DCC: variants seen among roughly 807,000 people sequenced by gnomAD.
The protein encoded by DCC is netrin receptor DCC.
In DCC, 58 loss-of-function variants were observed where a neutral mutation model predicts 172.5. That is an observed-to-expected ratio of 0.34 (90% confidence interval 0.27 to 0.42). DCC has a LOEUF of 0.42. DCC is among the 10% of genes least tolerant of loss of function. The pLI, the probability that DCC is intolerant of heterozygous loss-of-function variation, is 1.00. For missense variants in DCC, 1,740 were observed against 1,791.0 expected (o/e 0.97, Z 0.51); for synonymous variants, 709 against 644.5 (o/e 1.10, Z -1.52).
intron 1 of DCC, among the ~76,000 whole-genome samples, chr18:52,437,560 A>G (rs952363571): frequency 1.3e-5 from 2 of 152,216 alleles, no homozygotes; most frequent in African/African-American, 4.8e-5. Context: ...ATGGTTAAAG[A>G]TAGGGGCGCA....
chr18:53,221,503 T>C (rs2055932126), intron 12 of DCC, among the ~76,000 whole-genome samples: 1 of 152,150 alleles, frequency 6.6e-6, no homozygotes, highest in Non-Finnish European at 1.5e-5. Flanking sequence ...GTGAGCTCCA[T>C]GAAGGCAAAT....
At chr18:53,095,616 T>C (rs1033822762) in intron 7 of DCC, among the ~76,000 whole-genome samples, 1 of 152,128 alleles carries the variant, frequency 6.6e-6, no homozygotes, top group South Asian at 2.1e-4. Context: ...CTGCTCCTCC[T>C]CCTATCCTGA....
At chr18:52,482,846 C>T (rs529535049) in intron 1 of DCC, among the ~76,000 whole-genome samples, 18 of 152,240 alleles carry the variant, frequency 1.2e-4, no homozygotes, top group Non-Finnish European at 1.9e-4. Context: ...TTACCCCTTT[C>T]GTATGTTGGA....
chr18:53,420,097 C>T (rs938412855), intron 21 of DCC, among the ~76,000 whole-genome samples: 20 of 152,170 alleles, frequency 1.3e-4, no homozygotes, highest in African/African-American at 4.3e-4. Flanking sequence ...CCTTGTGATC[C>T]GCCTGTCTTG....
At chr18:53,131,393 A>C (rs1467631577) in intron 7 of DCC, among the ~76,000 whole-genome samples, 1 of 152,160 alleles carries the variant, frequency 6.6e-6, no homozygotes, top group Non-Finnish European at 1.5e-5. Context: ...TTTTTAGATC[A>C]AATCTTGGAA....
At chr18:52,476,321 A>C (rs1345653905) in intron 1 of DCC, among the ~76,000 whole-genome samples, 1 of 152,166 alleles carries the variant, frequency 6.6e-6, no homozygotes, top group Non-Finnish European at 1.5e-5. Flanking sequence ...CGGCATAACA[A>C]ACCTTAGATT....
intron 12 of DCC, among the ~76,000 whole-genome samples, chr18:53,233,260 A>G (rs937827967): frequency 6.6e-6 from 1 of 152,178 alleles, no homozygotes; most frequent in African/African-American, 2.4e-5. Flanking sequence ...TATTAATCCA[A>G]TTCACCTGTA....
At chr18:52,503,456 T>C (rs1284292516) in intron 1 of DCC, among the ~76,000 whole-genome samples, 2 of 152,152 alleles carry the variant, frequency 1.3e-5, no homozygotes, top group Non-Finnish European at 2.9e-5. Context: ...AAATACAATA[T>C]ATTTATACAT....
chr18:53,428,086 TAATATATAATATATAATATAATATA>T, intron 21 of DCC, among the ~76,000 whole-genome samples: 1 of 17,154 alleles, frequency 5.8e-5, no homozygotes, highest in African/African-American at 2.0e-4. Context: ...TATATTATAA[TAATATATAATATATAATATAATATA>T]ATAATATATA....
intron 1 of DCC, among the ~76,000 whole-genome samples, chr18:52,622,654 TG>T (rs1281358979): frequency 6.6e-6 from 1 of 152,208 alleles, no homozygotes; most frequent in Non-Finnish European, 1.5e-5. Flanking sequence ...GAATTTACTC[TG>T]TCAGCAAGAT....
At chr18:53,344,056 G>A (rs2057693771) in intron 15 of DCC, among the ~76,000 whole-genome samples, 1 of 151,420 alleles carries the variant, frequency 6.6e-6, no homozygotes, top group South Asian at 2.1e-4. Flanking sequence ...TAATTTTGTT[G>A]ATCTTGTCAA....
At chr18:52,791,894 A>T (rs147115617) in intron 2 of DCC, among the ~76,000 whole-genome samples, 2 of 152,290 alleles carry the variant, frequency 1.3e-5, no homozygotes, top group Non-Finnish European at 2.9e-5. Flanking sequence ...AAAAGAAAGT[A>T]GGTATCAAAT....
intron 7 of DCC, among the ~76,000 whole-genome samples, chr18:53,079,643 T>G (rs2042770633): frequency 6.6e-6 from 1 of 152,082 alleles, no homozygotes; most frequent in African/African-American, 2.4e-5. Context: ...GTGCAAGATA[T>G]AGGGGTAAGA....
At chr18:52,422,365 A>C (rs2960617) in intron 1 of DCC, among the ~76,000 whole-genome samples, 22,536 of 152,140 alleles carry the variant, frequency 0.15, 1,946 homozygotes, top group Admixed American at 0.2. Flanking sequence ...ATGTCAGTGG[A>C]GCTCTTAGTC....
intron 2 of DCC, among the ~76,000 whole-genome samples, chr18:52,831,861 G>A (rs565043993): frequency 5.9e-5 from 9 of 152,006 alleles, no homozygotes; most frequent in Non-Finnish European, 1.2e-4. Context: ...TTTACAGTGG[G>A]GTTTAAAGCC....
intron 2 of DCC, among the ~76,000 whole-genome samples, chr18:52,846,160 A>C (rs997530256): frequency 1.3e-5 from 2 of 152,184 alleles, no homozygotes; most frequent in Non-Finnish European, 2.9e-5. Context: ...GGAAGCATGG[A>C]CCAAAGAAAA....
intron 25 of DCC, among the ~76,000 whole-genome samples, chr18:53,473,836 G>A (rs1443168152): frequency 6.6e-6 from 1 of 152,014 alleles, no homozygotes; most frequent in Non-Finnish European, 1.5e-5. Context: ...TATCTCCATT[G>A]TCTAAACATG....
At chr18:53,316,763 A>G (rs2057348564) in intron 13 of DCC, among the ~76,000 whole-genome samples, 1 of 151,902 alleles carries the variant, frequency 6.6e-6, no homozygotes, top group African/African-American at 2.4e-5. Context: ...TTATCGGTGT[A>G]TAGGAATGCT....
Position 53,499,313 on chromosome 18 carries a change from C to G in DCC, c.3914C>G (p.Pro1305Arg), listed in dbSNP as rs1228904421. Residue 1305 changes from proline (P) to arginine (R), a missense_variant, in exon 27 of 29, where the codon CCA (proline) becomes CGA (arginine). By Grantham distance (103) the Pro-to-Arg change is moderately radical. Coordinates refer to ENST00000442544, the MANE Select transcript of DCC (RefSeq NM_005215.4). ...AGRSQSVSEG[P>R]TTQQPPMLPP... ...TCCACTGCAGCAGTGAGTGAAGGAC[C>G]AACTACCCAACAACCACCTATGCTG... 3.1e-6 allele frequency: 5 copies of G among 1,613,922 alleles called. No individual in the cohort carries two copies. The highest frequency in any genetic ancestry group is 4.2e-6 in the Non-Finnish European group (5 of 1,179,968).
Sources: gnomAD v4.1 joint callset for allele counts (sites outside exome capture counted in the v4.1 genomes callset) on GRCh38, gnomAD v4.1.1 for gene constraint, MANE v1.5 for transcripts, NCBI Gene and HGNC (gene_info 2026-07-23, HGNC 2026-07-21) for gene names.